VCF1: variants seen among roughly 807,000 people sequenced by gnomAD.
The protein encoded by VCF1 is protein VCF1.
chr17:73,214,486 T>TCA, the VCF1 span, among the ~76,000 whole-genome samples: 278 of 152,350 alleles, frequency 1.8e-3, 1 homozygote, highest in African/African-American at 6.5e-3. Flanking sequence ...CTTAACACTG[T>TCA]CAGCCACCAA....
the VCF1 span, chr17:73,232,198 C>T: frequency 1.2e-6 from 2 of 1,610,626 alleles, no homozygotes; most frequent in South Asian, 2.2e-5. Context: ...CGCCCACCCC[C>T]TCGGGCCTTG....
the VCF1 span, among the ~76,000 whole-genome samples, chr17:73,220,307 CT>C: frequency 6.6e-6 from 1 of 152,118 alleles, no homozygotes. Context: ...AATGGATCCC[CT>C]GGTTCTATTC....
chr17:73,223,289 T>C, the VCF1 span, among the ~76,000 whole-genome samples: 1 of 152,084 alleles, frequency 6.6e-6, no homozygotes, highest in Non-Finnish European at 1.5e-5. Context: ...TGCACTCCAG[T>C]CTGGGCAACA....
the VCF1 span, among the ~76,000 whole-genome samples, chr17:73,221,773 C>T: frequency 3.5e-4 from 53 of 151,942 alleles, no homozygotes; most frequent in Non-Finnish European, 8.8e-5. Flanking sequence ...CGGTGGCTCA[C>T]GCCTGTAATC....
At chr17:73,218,853 A>C in the VCF1 span, among the ~76,000 whole-genome samples, 16 of 152,256 alleles carry the variant, frequency 1.1e-4, no homozygotes, top group African/African-American at 3.9e-4. Flanking sequence ...CCCCGTCTCT[A>C]CTAAAAATAC....
At chr17:73,208,510 T>C in the VCF1 span, 1 of 1,578,706 alleles carries the variant, frequency 6.3e-7, no homozygotes, top group Non-Finnish European at 8.7e-7. Flanking sequence ...CTTCTAAAGG[T>C]GCCTCTGCTC....
chr17:73,224,255 C>T, the VCF1 span, among the ~76,000 whole-genome samples: 28 of 69,856 alleles, frequency 4.0e-4, no homozygotes, highest in African/African-American at 1.3e-3. Flanking sequence ...AGTGAGACGT[C>T]GTCTCTCCAA....
the VCF1 span, among the ~76,000 whole-genome samples, chr17:73,224,925 G>GACAGGACAGGACAGCACAGCACAGC: frequency 6.3e-3 from 756 of 120,766 alleles, 16 homozygotes; most frequent in African/African-American, 0.023. Flanking sequence ...GACAGGACAG[G>GACAGGACAGGACAGCACAGCACAGC]ACAGGACAGC....
chr17:73,230,199 C>A, the VCF1 span, among the ~76,000 whole-genome samples: 1 of 151,726 alleles, frequency 6.6e-6, no homozygotes, highest in African/African-American at 2.4e-5. Context: ...AGGAGGCTGA[C>A]GTGGGAGGAT....
the VCF1 span, chr17:73,232,310 G>T: frequency 1.9e-6 from 3 of 1,572,184 alleles, no homozygotes; most frequent in African/African-American, 1.4e-5. Flanking sequence ...CCCCCATGTC[G>T]CTGCCGCCGT....
At chr17:73,211,492 T>TG in the VCF1 span, among the ~76,000 whole-genome samples, 1 of 141,420 alleles carries the variant, frequency 7.1e-6, no homozygotes, top group Admixed American at 7.2e-5. Context: ...CGCTTGAACC[T>TG]GGGGGGTGGA....
chr17:73,208,065 G>C, the VCF1 span: 2 of 1,398,298 alleles, frequency 1.4e-6, no homozygotes, highest in East Asian at 2.8e-5. Context: ...GCTGTGGAGA[G>C]AAGTGCCTGT....
At chr17:73,215,564 G>T in the VCF1 span, among the ~76,000 whole-genome samples, 2 of 152,174 alleles carry the variant, frequency 1.3e-5, no homozygotes, top group African/African-American at 4.8e-5. Context: ...GTAAGCCACT[G>T]CACCTGGCCA....
the VCF1 span, chr17:73,209,211 T>A: frequency 2.9e-6 from 1 of 340,184 alleles, no homozygotes; most frequent in South Asian, 5.5e-5. Flanking sequence ...GTTGACAGAT[T>A]TGGAAATCAG....
At chr17:73,220,530 C>T in the VCF1 span, among the ~76,000 whole-genome samples, 2 of 147,056 alleles carry the variant, frequency 1.4e-5, no homozygotes, top group East Asian at 1.9e-4. Flanking sequence ...CTGCAACCTC[C>T]GCCTCCTAGG....
the VCF1 span, among the ~76,000 whole-genome samples, chr17:73,225,861 GAA>G: frequency 8.2e-6 from 1 of 122,188 alleles, no homozygotes; most frequent in South Asian, 2.5e-4. Context: ...AAGCAAATAG[GAA>G]AAAAATATAT....
the VCF1 span, among the ~76,000 whole-genome samples, chr17:73,225,900 T>TATATATATATA: frequency 1.3e-5 from 1 of 77,866 alleles, no homozygotes; most frequent in South Asian, 4.3e-4. Flanking sequence ...TATATATATA[T>TATATATATATA]TTTTTTTTTT....
the VCF1 span, among the ~76,000 whole-genome samples, chr17:73,225,901 T>TATA: frequency 2.0e-4 from 16 of 78,318 alleles, no homozygotes; most frequent in East Asian, 2.6e-3. Context: ...ATATATATAT[T>TATA]TTTTTTTTTT....
the VCF1 span, chr17:73,208,882 C>A: frequency 3.4e-6 from 1 of 294,224 alleles, no homozygotes; most frequent in South Asian, 3.3e-5. Context: ...ATACAAGAAT[C>A]TAAAAGACAT....
Sources: allele counts gnomAD v4.1 joint callset (sites outside exome capture counted in the v4.1 genomes callset), GRCh38; gene constraint gnomAD v4.1.1; transcripts MANE v1.5; gene names NCBI Gene and HGNC (gene_info 2026-07-23, HGNC 2026-07-21).